The following RAG1 variants were observed in gnomAD, a reference collection of about 807,000 sequenced individuals.
The protein encoded by RAG1 is recombination activating 1, also known as V(D)J recombination-activating protein 1.
A neutral mutation model predicts 62.7 loss-of-function variants in RAG1; 35 were observed. The observed-to-expected ratio is 0.56, with a 90% CI of 0.43 to 0.74. The LOEUF is 0.74. RAG1 is among the 30% of genes least tolerant of loss of function. The pLI is 0.00. For synonymous variants in RAG1, 461 were observed against 470.3 expected (o/e 0.98, Z 0.26); for missense variants, 1,169 against 1,278.6 (o/e 0.91, Z 1.31).
intron 3 of RAG1, among the ~76,000 whole-genome samples, chr11:36,541,608 T>C (rs190258338): frequency 4.3e-4 from 66 of 152,224 alleles, no homozygotes; most frequent in African/African-American, 1.5e-3. Context: ...GCAAACGACA[T>C]AAGAAACAGG....
intron 2 of RAG1, among the ~76,000 whole-genome samples, chr11:36,532,092 A>C (rs1318391215): frequency 1.3e-5 from 2 of 151,860 alleles, no homozygotes; most frequent in African/African-American, 2.4e-5. Flanking sequence ...TTTTTATTGC[A>C]TTTATTACTG....
chr11:36,562,545 A>G (rs948879161), intron 3 of RAG1, among the ~76,000 whole-genome samples: 5 of 152,290 alleles, frequency 3.3e-5, no homozygotes, highest in Admixed American at 1.3e-4. Context: ...AGTACCCCAC[A>G]CCACAGCTCA....
In RAG1 at chr11:36,529,883, T is replaced by C. The variant is rs115935355; in HGVS notation, n.429-6076T>C. Among the ~76,000 whole-genome samples the C allele has an allele frequency of 3.7e-3, 559 of 152,082 alleles. 7 individuals carry two copies. Among genetic ancestry groups the C allele is most frequent in the African/African-American group, 0.013 (520 of 41,526 alleles). ...TTTTTCTCTTATTTTCCGGAAAAGA[T>C]TGTGTACAATTGATGTCGATTCCTT... On this transcript the variant is annotated intron_variant and non_coding_transcript_variant, in intron 2 of 2. Coordinates refer to the RAG1 transcript ENST00000529126.
chr11:36,565,205 G>T (rs376381857), upstream of RAG1, among the ~76,000 whole-genome samples: 1 of 152,166 alleles, frequency 6.6e-6, no homozygotes, highest in East Asian at 1.9e-4. Flanking sequence ...TATGATAAGA[G>T]CTCAAAATGC....
chr11:36,545,070 T>C (rs1366842946), intron 3 of RAG1, among the ~76,000 whole-genome samples: 1 of 152,222 alleles, frequency 6.6e-6, no homozygotes, highest in Non-Finnish European at 1.5e-5. Context: ...TAGATTAGAA[T>C]TTATTTATCC....
chr11:36,521,149 G>A (rs1054205091), intron 2 of RAG1, among the ~76,000 whole-genome samples: 11 of 151,878 alleles, frequency 7.2e-5, no homozygotes, highest in Non-Finnish European at 1.2e-4. Flanking sequence ...GGTAGAGACG[G>A]GGTTTCTCCA....
Position 36,574,396 on chromosome 11 carries a change from T to C in RAG1, c.1092T>C (p.Asn364=). The change falls in exon 2 of 2, where the codon AAT becomes AAC. Residue 364 remains asparagine, a synonymous_variant. Transcript: ENST00000299440. ...TGAAATGTCCAGCAAAAGAGTGCAA[T>C]GAGGAGGTCAGTTTGGAAAAATATA... ...LMVKCPAKEC[N]EEVSLEKYNH... 1 of 1,614,176 alleles carries C rather than the reference T, an allele frequency of 6.2e-7. No homozygotes were observed. The highest frequency in any genetic ancestry group is 1.6e-4 in the Middle Eastern group (1 of 6,062).
rs377307948 is a variant in RAG1 at position 36,573,405 on chromosome 11, G to A, written c.101G>A (p.Arg34Gln). 84 of 1,613,906 alleles carry A rather than the reference G, an allele frequency of 5.2e-5. No homozygotes were observed. The highest frequency in any genetic ancestry group is 2.7e-4 in the Admixed American group (16 of 59,984). The change falls in exon 2 of 2, where the codon CGG becomes CAG. Residue 34 changes from arginine to glutamine, a missense_variant. Arg to Gln is a conservative substitution (Grantham distance 43, BLOSUM62 1). Transcript: ENST00000299440. ...KFSEWKFKLF[R>Q]VRSFEKTPEE... Reference sequence around the variant, plus strand: ...TCAGAATGGAAATTTAAGCTGTTCCGGGTGAGATCCTTTGAAAAGACACCT... The same window carrying A: ...TCAGAATGGAAATTTAAGCTGTTCCAGGTGAGATCCTTTGAAAAGACACCT...
rs1377077324 is a variant in RAG1, at chr11:36,576,102, G to T, written c.2798G>T (p.Gly933Val). The change falls in exon 2 of 2, where the codon GGA becomes GTA. Residue 933 changes from glycine to valine, a missense_variant. Physicochemically the swap from Gly to Val is moderately radical, Grantham distance 109 (BLOSUM62 -3). This residue lies in a region of RAG1 where 800 missense variants were observed against 943.3 expected (regional missense o/e 0.85). Coordinates refer to ENST00000299440, the MANE Select transcript of RAG1 (RefSeq NM_000448.3). ...ACGAAGTTCAAGTATAGGTATGAGG[G>T]AAAAATCACCAATTATTTTCACAAA... ...LSTKFKYRYE[G>V]KITNYFHKTL... 1 of 1,613,934 alleles carries T rather than the reference G, an allele frequency of 6.2e-7. No homozygotes were observed. Among genetic ancestry groups the T allele is most frequent in the East Asian group, 2.2e-5 (1 of 44,876 alleles).
At chr11:36,549,610 A>T (rs990357151) in intron 3 of RAG1, among the ~76,000 whole-genome samples, 15 of 152,216 alleles carry the variant, frequency 9.9e-5, no homozygotes, top group African/African-American at 3.1e-4. Context: ...AAACGTCAGG[A>T]AACAACAGAT....
intron 3 of RAG1, among the ~76,000 whole-genome samples, chr11:36,545,665 T>A (rs1248033218): frequency 1.3e-5 from 2 of 152,220 alleles, no homozygotes; most frequent in African/African-American, 4.8e-5. Context: ...TTTGTACTTT[T>A]TCCAGCTTCT....
upstream of RAG1, among the ~76,000 whole-genome samples, chr11:36,566,219 C>T (rs1313433306): frequency 6.6e-6 from 1 of 151,936 alleles, no homozygotes; most frequent in South Asian, 2.1e-4. Context: ...AATTATTGAC[C>T]TCAGAGAAAT....
intron 3 of RAG1, among the ~76,000 whole-genome samples, chr11:36,543,158 T>G (rs1020402057): frequency 6.6e-5 from 10 of 152,162 alleles, no homozygotes; most frequent in African/African-American, 2.2e-4. Context: ...CCTCTCAGGG[T>G]CTCAGATGCT....
At chr11:36,560,954 G>A (rs1850575992) in intron 3 of RAG1, among the ~76,000 whole-genome samples, 1 of 152,196 alleles carries the variant, frequency 6.6e-6, no homozygotes, top group Admixed American at 6.5e-5. Context: ...TTATTTGTTT[G>A]TTGTTTTGTC....
At chr11:36,565,783 C>G (rs1850652788), upstream of RAG1, 1 of 152,046 alleles carries the variant, frequency 6.6e-6, no homozygotes, top group Admixed American at 6.6e-5. Flanking sequence ...CCAGGTGATC[C>G]AAGGGAGGTC....
At chr11:36,540,555 C>A (rs1372595009), downstream of RAG1, among the ~76,000 whole-genome samples, 4 of 152,274 alleles carry the variant, frequency 2.6e-5, no homozygotes, top group Admixed American at 2.6e-4. Flanking sequence ...CAGGCGCCCG[C>A]CACCACGCAT....
At chr11:36,573,148 T>C (rs1850773673) in intron 1 of RAG1, 143 bp from the exon 2 acceptor site, 1 of 849,398 alleles carries the variant, frequency 1.2e-6, no homozygotes, top group African/African-American at 1.7e-5. Context: ...GCACCTAACA[T>C]GATATATTAA....
chr11:36,565,366 T>C (rs1850647099), upstream of RAG1, among the ~76,000 whole-genome samples: 1 of 152,118 alleles, frequency 6.6e-6, no homozygotes, highest in African/African-American at 2.4e-5. Flanking sequence ...GGCAACCTGC[T>C]CAGGGGGGTT....
rs938546665 is a variant in RAG1 at position 36,578,168 on chromosome 11, C to T, written c.*1732C>T. 3.6e-5 allele frequency: 6 copies of T among 167,022 alleles called. No individual in the cohort carries two copies. The highest frequency in any genetic ancestry group is 8.8e-5 in the Non-Finnish European group (6 of 68,094). The allele number at this position is 167,022 out of a possible 1,614,324, so 10.3% of individuals were successfully genotyped here. A position where few individuals can be genotyped will look rare whatever the true frequency, so the allele number is the denominator to read the frequency against. ...TCTTCATACACAGTATATCAAAGAGCTTGATAATTTAGTTGTCAAAAGTGC... is the reference window on the plus strand; with the variant it reads ...TCTTCATACACAGTATATCAAAGAGTTTGATAATTTAGTTGTCAAAAGTGC... On this transcript the variant is annotated 3_prime_UTR_variant, in exon 2 of 2. Coordinates refer to ENST00000299440, the MANE Select transcript of RAG1 (RefSeq NM_000448.3).
Sources: allele counts gnomAD v4.1 joint callset (sites outside exome capture counted in the v4.1 genomes callset), GRCh38; gene constraint gnomAD v4.1.1; regional missense constraint gnomAD v4.1.1; transcripts MANE v1.5; gene names NCBI Gene and HGNC (gene_info 2026-07-23, HGNC 2026-07-21).